The following SV2C variants were observed in gnomAD, a reference collection of about 807,000 sequenced individuals.
The protein encoded by SV2C is synaptic vesicle glycoprotein 2C, also known as solute carrier family 22 member B3.
In SV2C, 49 loss-of-function variants were observed where a neutral mutation model predicts 79.7. The observed-to-expected ratio is 0.61, with a 90% CI of 0.49 to 0.78. The LOEUF is 0.78. SV2C is among the 30% of genes least tolerant of loss of function. The probability of loss-of-function intolerance (pLI) is 0.00; values close to 1 mark genes in which losing one functional copy is unlikely to be tolerated. For missense variants in SV2C, 833 were observed against 912.9 expected, an observed-to-expected ratio of 0.91 and a Z score of 1.13; for synonymous variants, 334 against 333.2, an observed-to-expected ratio of 1.00 and a Z score of -0.03.
the SV2C span, among the ~76,000 whole-genome samples, chr5:76,032,516 C>G: frequency 6.6e-6 from 1 of 151,980 alleles, no homozygotes; most frequent in Non-Finnish European, 1.5e-5. Context: ...TTTGTTCTTG[C>G]GATAGTTTAC....
At chr5:76,015,262 A>C in the SV2C span, among the ~76,000 whole-genome samples, 1 of 152,208 alleles carries the variant, frequency 6.6e-6, no homozygotes, top group Non-Finnish European at 1.5e-5. Context: ...GAAATGACTT[A>C]TGTGGAGCAC....
the SV2C span, among the ~76,000 whole-genome samples, chr5:76,063,294 T>C: frequency 6.6e-6 from 1 of 152,120 alleles, no homozygotes; most frequent in Non-Finnish European, 1.5e-5. Context: ...AGCTAGGAAT[T>C]CTTTCCTCAT....
At chr5:76,040,768 TC>T in the SV2C span, among the ~76,000 whole-genome samples, 105 of 152,320 alleles carry the variant, frequency 6.9e-4, 1 homozygote, top group African/African-American at 2.5e-3. Flanking sequence ...CATTTACAAC[TC>T]TGTAACCTCA....
At chr5:76,098,770 A>C (rs1056230752) in intron 1 of SV2C, among the ~76,000 whole-genome samples, 2 of 152,348 alleles carry the variant, frequency 1.3e-5, no homozygotes, top group Middle Eastern at 3.4e-3. Flanking sequence ...TGAGGAGAAA[A>C]GCCAGTGATT....
intron 2 of SV2C, among the ~76,000 whole-genome samples, chr5:76,153,349 T>C (rs1173427222): frequency 6.6e-6 from 1 of 152,200 alleles, no homozygotes; most frequent in African/African-American, 2.4e-5. Flanking sequence ...CTCAGCATCC[T>C]TCTGATGTCT....
At chr5:76,135,783 G>T (rs767153259) in intron 2 of SV2C, among the ~76,000 whole-genome samples, 2 of 152,192 alleles carry the variant, frequency 1.3e-5, no homozygotes, top group African/African-American at 2.4e-5. Context: ...GGATTCTGTG[G>T]AAGTGAGCCC....
chr5:76,325,213 A>T, intron 12 of SV2C, 151 bp from the exon 13 acceptor site: 1 of 762,480 alleles, frequency 1.3e-6, no homozygotes, highest in Non-Finnish European at 2.1e-6. Context: ...AGGATTCTCT[A>T]CTCCCAGATT....
the SV2C span, among the ~76,000 whole-genome samples, chr5:75,893,604 G>T: frequency 1.3e-5 from 2 of 152,120 alleles, no homozygotes; most frequent in Admixed American, 1.3e-4. Context: ...TGGGGAGGTA[G>T]GAAGGAGGCC....
intron 2 of SV2C, among the ~76,000 whole-genome samples, chr5:76,171,677 C>G (rs1282867552): frequency 1.4e-4 from 20 of 139,394 alleles, no homozygotes; most frequent in East Asian, 2.2e-4. Context: ...TCAGCCCCCC[C>G]GCCCGGCCAG....
At position 76,331,558 on chromosome 5, in the gene SV2C, G is replaced by A. The variant is rs1749186897; in HGVS notation, c.*6011G>A. ...TGCAGGGGGGCAGAGCAGAAAGAGG[G>A]TAGTTGTCAGTGACCCTCTACCCTC... On this transcript the variant is annotated 3_prime_UTR_variant, in exon 13 of 13. Transcript: ENST00000502798. The A allele has an allele frequency of 6.6e-6, 1 of 152,218 alleles. No individual in the cohort carries two copies. The highest frequency in any genetic ancestry group is 1.5e-5 in the Non-Finnish European group (1 of 68,096). The allele number at this position is 152,218 out of a possible 1,614,324, so 9.4% of individuals were successfully genotyped here. A position where few individuals can be genotyped will look rare whatever the true frequency, so the allele number is the denominator to read the frequency against.
At chr5:76,066,469 G>A in the SV2C span, among the ~76,000 whole-genome samples, 1 of 108,640 alleles carries the variant, frequency 9.2e-6, no homozygotes, top group South Asian at 4.1e-4. Flanking sequence ...GAGGGGGGAG[G>A]GGGGAGGGAA....
rs572788438 is a variant in SV2C at position 76,262,334 on chromosome 5, T to C, written c.914-22828T>C. ...TATTTGATTTTTCCCTCTTTTCTTCTTTATTAGCCTGGCTAGCAGCGTATA... is the reference window on the plus strand; with the variant it reads ...TATTTGATTTTTCCCTCTTTTCTTCCTTATTAGCCTGGCTAGCAGCGTATA... On this transcript the variant is annotated intron_variant, in intron 4 of 12. Transcript: ENST00000502798. 5.3e-5 allele frequency among the ~76,000 whole-genome samples: 8 copies of C among 152,220 alleles called. No individual in the cohort carries two copies. The South Asian group carries it at 1.7e-3, about 32-fold the overall frequency.
At chr5:75,896,841 T>C in the SV2C span, among the ~76,000 whole-genome samples, 1 of 148,850 alleles carries the variant, frequency 6.7e-6, no homozygotes, top group Non-Finnish European at 1.5e-5. Flanking sequence ...TTTTTTCATG[T>C]GTTTTTTGGC....
intron 2 of SV2C, among the ~76,000 whole-genome samples, chr5:76,140,095 C>T (rs1749203523): frequency 6.6e-6 from 1 of 151,962 alleles, no homozygotes; most frequent in Non-Finnish European, 1.5e-5. Flanking sequence ...TCAACTGTAC[C>T]AAGTCAGACT....
intron 2 of SV2C, among the ~76,000 whole-genome samples, chr5:76,152,180 G>C (rs1271916958): frequency 2.6e-5 from 4 of 152,232 alleles, no homozygotes; most frequent in Admixed American, 1.3e-4. Context: ...TGAGAAAGCT[G>C]TTCTGGAGGG....
chr5:76,284,612 C>A (rs1747290232), intron 4 of SV2C, among the ~76,000 whole-genome samples: 1 of 152,138 alleles, frequency 6.6e-6, no homozygotes, highest in Non-Finnish European at 1.5e-5. Flanking sequence ...TGAAAGAAGG[C>A]CCAGGAAATG....
At chr5:75,996,385 A>T in the SV2C span, among the ~76,000 whole-genome samples, 1 of 152,180 alleles carries the variant, frequency 6.6e-6, no homozygotes. Flanking sequence ...TGGTTACTGT[A>T]GCCTTGTAGT....
rs143233168 is a variant in SV2C at position 76,269,221 on chromosome 5, G to A, written c.914-15941G>A. 1.2e-4 allele frequency among the ~76,000 whole-genome samples: 18 copies of A among 152,260 alleles called. No individual in the cohort carries two copies. In the East Asian group the frequency reaches 3.3e-3, roughly 28 times the overall value. On this transcript the variant is annotated intron_variant, in intron 4 of 12. Coordinates refer to ENST00000502798, the MANE Select transcript of SV2C (RefSeq NM_014979.4). ...GCCAGTAGTAACCCTTCTTCCCAAG[G>A]TCATAACAATTAAAAATGTCTCCAG...
At chr5:76,135,064 T>G (rs1263910246) in intron 2 of SV2C, among the ~76,000 whole-genome samples, 1 of 152,194 alleles carries the variant, frequency 6.6e-6, no homozygotes, top group Non-Finnish European at 1.5e-5. Flanking sequence ...GGTAAGGCCC[T>G]GACTAAAGCA....
Sources: allele counts gnomAD v4.1 joint callset (sites outside exome capture counted in the v4.1 genomes callset), GRCh38; gene constraint gnomAD v4.1.1; transcripts MANE v1.5; gene names NCBI Gene and HGNC (gene_info 2026-07-23, HGNC 2026-07-21).